ARHGAP21: variants seen among roughly 807,000 people sequenced by gnomAD.
ARHGAP21 encodes the protein rho GTPase-activating protein 21.
Under a neutral mutation model 164.6 loss-of-function variants are expected in ARHGAP21, and 38 were observed. The observed-to-expected ratio is 0.23, with a 90% CI of 0.18 to 0.30. The LOEUF (loss-of-function observed/expected upper bound fraction) is 0.30, where lower values mean the gene tolerates loss of function less well. ARHGAP21 is among the 10% of genes least tolerant of loss of function. ARHGAP21 has a pLI of 1.00. For missense variants in ARHGAP21, 1,822 were observed against 2,370.7 expected (o/e 0.77, Z 4.81); for synonymous variants, 766 against 857.9 (o/e 0.89, Z 1.87).
chr10:24,617,070 C>T (rs1055159089), intron 9 of ARHGAP21, among the ~76,000 whole-genome samples: 1 of 151,768 alleles, frequency 6.6e-6, no homozygotes, highest in Admixed American at 6.6e-5. Context: ...AGGTGAGCAG[C>T]GGGGGAAGGA....
intron 2 of ARHGAP21, among the ~76,000 whole-genome samples, chr10:24,689,418 T>A (rs953548261): frequency 1.3e-5 from 2 of 152,168 alleles, no homozygotes; most frequent in African/African-American, 2.4e-5. Flanking sequence ...TCGAGACATA[T>A]ACATATTCTT....
chr10:24,641,926 G>A (rs920887581), intron 4 of ARHGAP21, among the ~76,000 whole-genome samples: 14 of 151,802 alleles, frequency 9.2e-5, no homozygotes, highest in African/African-American at 2.2e-4. Context: ...AACACGGGAG[G>A]TGGAGGTTGC....
chr10:24,600,391 A>AT (rs2076766039), intron 14 of ARHGAP21, among the ~76,000 whole-genome samples: 1 of 152,148 alleles, frequency 6.6e-6, no homozygotes. Context: ...CAGGACTAGG[A>AT]ATGTAGTTCA....
At chr10:24,705,817 C>T (rs1310088970) in intron 2 of ARHGAP21, among the ~76,000 whole-genome samples, 1 of 152,122 alleles carries the variant, frequency 6.6e-6, no homozygotes, top group Non-Finnish European at 1.5e-5. Flanking sequence ...CTATCATTCA[C>T]GTTGCTTTCT....
chr10:24,646,727 T>TA (rs1837608954), intron 4 of ARHGAP21, among the ~76,000 whole-genome samples: 1 of 152,148 alleles, frequency 6.6e-6, no homozygotes, highest in African/African-American at 2.4e-5. Context: ...CTGAGCAACA[T>TA]AGTGAGAACT....
intron 6 of ARHGAP21, among the ~76,000 whole-genome samples, chr10:24,631,699 T>G (rs4748959): frequency 6.6e-6 from 1 of 152,012 alleles, no homozygotes; most frequent in African/African-American, 2.4e-5. Flanking sequence ...TAAACTCCTG[T>G]GCAAGGACAC....
At chr10:24,701,241 A>C (rs1046045942) in intron 2 of ARHGAP21, among the ~76,000 whole-genome samples, 20 of 152,038 alleles carry the variant, frequency 1.3e-4, no homozygotes, top group African/African-American at 3.9e-4. Context: ...TTCCCCAGGG[A>C]GAGAGGGAAC....
chr10:24,663,542 A>AT (rs1320875768), intron 4 of ARHGAP21, among the ~76,000 whole-genome samples: 2 of 152,094 alleles, frequency 1.3e-5, no homozygotes, highest in African/African-American at 4.8e-5. Context: ...TATTATTATT[A>AT]TTTTGAGACA....
intron 24 of ARHGAP21, chr10:24,589,735 C>T (rs887351222): frequency 3.0e-5 from 5 of 164,076 alleles, no homozygotes; most frequent in Non-Finnish European, 6.5e-5. Context: ...GACACTCATA[C>T]TGGCATGTTT....
intron 2 of ARHGAP21, among the ~76,000 whole-genome samples, chr10:24,692,624 G>T (rs1040196051): frequency 6.6e-6 from 1 of 152,152 alleles, no homozygotes; most frequent in African/African-American, 2.4e-5. Context: ...CTGAGGTCAG[G>T]AGTTTGAGAC....
intron 3 of ARHGAP21, among the ~76,000 whole-genome samples, chr10:24,667,755 GT>G (rs547781189): frequency 4.5e-4 from 66 of 145,634 alleles, no homozygotes; most frequent in Admixed American, 1.1e-3. Flanking sequence ...GCTGCCCAAT[GT>G]TTTTTTTTTT....
intron 9 of ARHGAP21, among the ~76,000 whole-genome samples, chr10:24,608,872 T>C (rs1435198846): frequency 6.6e-6 from 1 of 152,220 alleles, no homozygotes; most frequent in Non-Finnish European, 1.5e-5. Context: ...TACTATTATG[T>C]CAGTAAGAAT....
intron 2 of ARHGAP21, chr10:24,714,464 C>G (rs1192352335): frequency 2.6e-5 from 4 of 152,148 alleles, no homozygotes; most frequent in Admixed American, 2.6e-4. Flanking sequence ...TGGCTCTTAT[C>G]TAGTGATAGG....
chr10:24,594,617 G>GTATTCT (rs59200948), intron 21 of ARHGAP21, among the ~76,000 whole-genome samples: 75,695 of 151,532 alleles, frequency 0.5, 19,064 homozygotes, highest in Middle Eastern at 0.53. Flanking sequence ...TGTTTTCCCT[G>GTATTCT]TATTCTATTT....
intron 9 of ARHGAP21, among the ~76,000 whole-genome samples, chr10:24,612,305 A>G (rs1483429689): frequency 1.3e-5 from 2 of 152,204 alleles, no homozygotes; most frequent in African/African-American, 4.8e-5. Context: ...GACAGAGTAA[A>G]CTATATATTG....
At chr10:24,658,533 C>T (rs917430443) in intron 4 of ARHGAP21, among the ~76,000 whole-genome samples, 4 of 152,142 alleles carry the variant, frequency 2.6e-5, no homozygotes, top group Non-Finnish European at 4.4e-5. Flanking sequence ...TTTGTAGAGA[C>T]GTCGATGAAG....
intron 2 of ARHGAP21, among the ~76,000 whole-genome samples, chr10:24,712,952 G>A (rs1334743278): frequency 6.6e-6 from 1 of 151,642 alleles, no homozygotes; most frequent in African/African-American, 2.4e-5. Context: ...GGCAAATACT[G>A]GGTATTACAG....
chr10:24,688,867 TG>T (rs1487771065), intron 2 of ARHGAP21, among the ~76,000 whole-genome samples: 3 of 152,202 alleles, frequency 2.0e-5, no homozygotes, highest in Non-Finnish European at 4.4e-5. Flanking sequence ...ATCTCAGAGA[TG>T]GGGTTTCCTT....
At chr10:24,650,892 C>T (rs935000224) in intron 4 of ARHGAP21, among the ~76,000 whole-genome samples, 2 of 152,096 alleles carry the variant, frequency 1.3e-5, no homozygotes, top group African/African-American at 4.8e-5. Context: ...GAGGCGTTTC[C>T]TGTTTCCAAA....
Sources: allele counts gnomAD v4.1 joint callset (sites outside exome capture counted in the v4.1 genomes callset), GRCh38; gene constraint gnomAD v4.1.1; transcripts MANE v1.5; gene names NCBI Gene and HGNC (gene_info 2026-07-23, HGNC 2026-07-21).